Variants in CLYBL observed in about 807,000 individuals in gnomAD.
CLYBL encodes the protein citramalyl-CoA lyase, mitochondrial.
In CLYBL, 31 loss-of-function variants were observed where a neutral mutation model predicts 38.9. That is an observed-to-expected ratio of 0.80 (90% CI 0.60 to 1.08). The LOEUF is 1.08. CLYBL is among the 50% of genes least tolerant of loss of function. The pLI is 0.00. For synonymous variants in CLYBL, 171 were observed against 158.6 expected (o/e 1.08, Z -0.59); for missense variants, 434 against 411.6 (o/e 1.05, Z -0.47).
chr13:99,664,008 C>A (rs2047445305), intron 1 of CLYBL, among the ~76,000 whole-genome samples: 1 of 152,214 alleles, frequency 6.6e-6, no homozygotes, highest in South Asian at 2.1e-4. Context: ...TTCAAGAGTT[C>A]TTTCTCTCTT....
chr13:99,826,232 C>T (rs916709960), intron 2 of CLYBL, among the ~76,000 whole-genome samples: 1 of 152,122 alleles, frequency 6.6e-6, no homozygotes, highest in African/African-American at 2.4e-5. Flanking sequence ...TAGGTGGTTG[C>T]CCTCCATAAG....
intron 2 of CLYBL, among the ~76,000 whole-genome samples, chr13:99,799,370 C>A (rs1391793593): frequency 7.2e-6 from 1 of 138,692 alleles, no homozygotes; most frequent in Non-Finnish European, 1.6e-5. Flanking sequence ...GCATGATATA[C>A]ACACATTCAC....
rs899715919 is a variant in CLYBL, at chr13:99,775,071, A to G, written c.249+2061A>G. On this transcript the variant is annotated intron_variant, in intron 2 of 8. Coordinates refer to ENST00000339105, the MANE Select transcript of CLYBL (RefSeq NM_206808.5). ...GTACCTGGGAGTAGCTTGATTTCCT[A>G]TAGGAAATAGATAAATCCTGTAGTA... Among the ~76,000 whole-genome samples, 12 of 152,180 alleles carry G rather than the reference A, an allele frequency of 7.9e-5. No individual in the cohort carries two copies. In the South Asian group the frequency reaches 2.5e-3, roughly 32 times the overall value.
At chr13:99,796,997 T>G (rs2050034280) in intron 2 of CLYBL, among the ~76,000 whole-genome samples, 1 of 152,230 alleles carries the variant, frequency 6.6e-6, no homozygotes, top group African/African-American at 2.4e-5. Context: ...ATAGTAGGTA[T>G]TCAGCAAATA....
At chr13:99,633,156 A>G (rs1460201218) in intron 1 of CLYBL, among the ~76,000 whole-genome samples, 8 of 137,498 alleles carry the variant, frequency 5.8e-5, no homozygotes, top group African/African-American at 2.1e-4. Context: ...GGTTGCAGTG[A>G]GCCGAGATCA....
At chr13:99,708,090 T>C (rs1360492177) in intron 1 of CLYBL, among the ~76,000 whole-genome samples, 1 of 152,182 alleles carries the variant, frequency 6.6e-6, no homozygotes, top group Non-Finnish European at 1.5e-5. Flanking sequence ...TTCATTCTCC[T>C]GCCTCAGCCT....
intron 7 of CLYBL, among the ~76,000 whole-genome samples, chr13:99,875,920 T>C (rs2139275636): frequency 6.6e-6 from 1 of 152,330 alleles, no homozygotes; most frequent in African/African-American, 2.4e-5. Context: ...ATAATTTTGA[T>C]TTTTAAAAGT....
At chr13:99,895,659 G>C (rs893988901), downstream of CLYBL, 2 of 152,242 alleles carry the variant, frequency 1.3e-5, no homozygotes, top group Non-Finnish European at 2.9e-5. Context: ...GGTTTTGGAG[G>C]GGGTGGTGTT....
At chr13:99,788,558 T>G (rs1316776233) in intron 2 of CLYBL, among the ~76,000 whole-genome samples, 2 of 152,188 alleles carry the variant, frequency 1.3e-5, no homozygotes, top group Non-Finnish European at 2.9e-5. Flanking sequence ...GCCCACTTGA[T>G]CATGGTGGAT....
chr13:99,749,764 G>A (rs760849275), intron 1 of CLYBL, among the ~76,000 whole-genome samples: 7 of 152,108 alleles, frequency 4.6e-5, no homozygotes, highest in African/African-American at 9.7e-5. Flanking sequence ...GCCCTGTTCC[G>A]CCAGTGGGAG....
chr13:99,891,147 GA>G (rs1425128543), intron 7 of CLYBL, among the ~76,000 whole-genome samples, 170 bp from the exon 8 acceptor site: 1 of 151,860 alleles, frequency 6.6e-6, no homozygotes, highest in Non-Finnish European at 1.5e-5. Context: ...TCTTTAGGGG[GA>G]AAAAAGAAGT....
chr13:99,896,616 G>A (rs1253638488), downstream of CLYBL: 2 of 152,308 alleles, frequency 1.3e-5, no homozygotes, highest in African/African-American at 4.8e-5. Context: ...GGGACGCAGG[G>A]ACGATCCCGG....
At position 99,772,910 on chromosome 13, in the gene CLYBL, A is replaced by T. The variant is rs759972391; in HGVS notation, c.149A>T (p.Tyr50Phe). The T allele has an allele frequency of 1.2e-6, 2 of 1,613,784 alleles. No homozygotes were observed. Among genetic ancestry groups the T allele is most frequent in the African/African-American group, 1.3e-5 (1 of 74,912 alleles). Residue 50 changes from tyrosine to phenylalanine, a missense_variant, in exon 2 of 9, where the codon TAT (tyrosine) becomes TTT (phenylalanine). Physicochemically the swap from Tyr to Phe is conservative, Grantham distance 22. Transcript: ENST00000339105. ...TACATCCCCCGGAGGGCAGTGCTTT[A>T]TGTACCTGGAAATGATGAAAAGAAA... ...HKYIPRRAVL[Y>F]VPGNDEKKIK...
intron 2 of CLYBL, among the ~76,000 whole-genome samples, chr13:99,804,709 A>G (rs2050197890): frequency 6.6e-6 from 1 of 152,242 alleles, no homozygotes; most frequent in Admixed American, 6.5e-5. Flanking sequence ...TTGTTAATAT[A>G]TCACCTGTGA....
Position 99,849,154 on chromosome 13 carries a change from A to C in CLYBL, c.250-9707A>C, listed in dbSNP as rs2139158042. On this transcript the variant is annotated intron_variant, in intron 2 of 8. Transcript: ENST00000339105. This position sits in a 1 kb window ranked among gnomAD's most constrained non-coding sequence, Gnocchi z 4.9. ...CTCCATCTCAAAAAAAGAAAAAAGA[A>C]AAAAAAAACACTATTGAGAAAGACA... 6.6e-6 allele frequency among the ~76,000 whole-genome samples: 1 copy of C among 151,248 alleles called. No homozygotes were observed. Among genetic ancestry groups the C allele is most frequent in the East Asian group, 2.0e-4 (1 of 5,120 alleles).
downstream of CLYBL, among the ~76,000 whole-genome samples, chr13:99,901,258 C>T (rs1385910692): frequency 6.6e-6 from 1 of 152,228 alleles, no homozygotes; most frequent in Middle Eastern, 3.2e-3. Context: ...CTAGATTCTT[C>T]CTTCTGCCTT....
chr13:99,801,596 T>C (rs1300449483), intron 2 of CLYBL, among the ~76,000 whole-genome samples: 5 of 152,264 alleles, frequency 3.3e-5, no homozygotes, highest in Non-Finnish European at 2.9e-5. Context: ...ATGCTTTGTC[T>C]ACCAAATTCT....
intron 1 of CLYBL, among the ~76,000 whole-genome samples, chr13:99,681,047 A>G (rs1263979152): frequency 6.6e-6 from 1 of 152,226 alleles, no homozygotes; most frequent in Non-Finnish European, 1.5e-5. Context: ...TCAGAAGATT[A>G]TGAGTGGAGT....
chr13:99,754,281 G>T (rs117992808), intron 1 of CLYBL, among the ~76,000 whole-genome samples: 2 of 151,440 alleles, frequency 1.3e-5, no homozygotes, highest in Admixed American at 1.3e-4. Flanking sequence ...ATGGTAGCAC[G>T]TGCCAGTAGT....
Sources: allele counts gnomAD v4.1 joint callset (sites outside exome capture counted in the v4.1 genomes callset), GRCh38; gene constraint gnomAD v4.1.1; non-coding constraint Gnocchi (gnomAD v3.1); transcripts MANE v1.5; gene names NCBI Gene and HGNC (gene_info 2026-07-23, HGNC 2026-07-21).